The following BCAR3 variants were observed in gnomAD, a reference collection of about 807,000 sequenced individuals.
BCAR3 encodes BCAR3 adaptor protein, NSP family member, also known as breast cancer anti-estrogen resistance protein 3.
BCAR3 carries 37 observed loss-of-function variants against 80.1 expected under a neutral mutation model. That is an observed-to-expected ratio of 0.46 (90% confidence interval 0.36 to 0.61). The LOEUF (loss-of-function observed/expected upper bound fraction) is 0.61, where lower values mean the gene tolerates loss of function less well. BCAR3 is among the 20% of genes least tolerant of loss of function. The pLI, the probability that BCAR3 is intolerant of heterozygous loss-of-function variation, is 0.00. For missense variants in BCAR3, 978 were observed against 1,068.2 expected, an observed-to-expected ratio of 0.92 and a Z score of 1.18; for synonymous variants, 389 against 418.9, an observed-to-expected ratio of 0.93 and a Z score of 0.87.
chr1:93,783,352 A>G (rs983190876), intron 2 of BCAR3, among the ~76,000 whole-genome samples: 2 of 152,204 alleles, frequency 1.3e-5, no homozygotes, highest in African/African-American at 4.8e-5. Flanking sequence ...AAAAATAAAA[A>G]ATGTGTAGGA....
rs79542763 is a variant in BCAR3, at chr1:93,735,414, A to G, written c.-62-29272T>C. On this transcript the variant is annotated intron_variant, in intron 2 of 13. Coordinates refer to the BCAR3 transcript ENST00000370244. ...GCCGTGAGCTCTGTCATGGCAGACA[A>G]CATGGGATCATTTTGAGAACTTCCC... 4.2e-3 allele frequency among the ~76,000 whole-genome samples: 640 copies of G among 152,330 alleles called. 2 individuals are homozygous for G. The highest frequency in any genetic ancestry group is 0.015 in the African/African-American group (610 of 41,572).
upstream of BCAR3, among the ~76,000 whole-genome samples, chr1:93,684,080 T>C (rs1648892013): frequency 6.6e-6 from 1 of 152,224 alleles, no homozygotes; most frequent in South Asian, 2.1e-4. Flanking sequence ...TCTTTATCCT[T>C]CCTACTTCAT....
At chr1:93,808,041 TTA>T (rs1653713832) in intron 2 of BCAR3, among the ~76,000 whole-genome samples, 2 of 146,358 alleles carry the variant, frequency 1.4e-5, no homozygotes, top group African/African-American at 2.6e-5. Context: ...CTTTTTTTTT[TTA>T]AAAAAAAAAA....
At chr1:93,562,918 A>G (rs572333520) in intron 11 of BCAR3, among the ~76,000 whole-genome samples, 33 of 152,274 alleles carry the variant, frequency 2.2e-4, no homozygotes, top group African/African-American at 7.9e-4. Flanking sequence ...CCCACCCTGC[A>G]GAACCTAAGC....
At chr1:93,718,837 A>G (rs1170927080) in intron 2 of BCAR3, among the ~76,000 whole-genome samples, 4 of 150,944 alleles carry the variant, frequency 2.6e-5, no homozygotes, top group Non-Finnish European at 5.9e-5. Flanking sequence ...CTGGGACTAC[A>G]GGCATGCACC....
At chr1:93,706,073 G>C (rs1571062055) in intron 3 of BCAR3, 2 of 152,512 alleles carry the variant, frequency 1.3e-5, no homozygotes, top group Admixed American at 1.3e-4. Context: ...GAGCAGCAGG[G>C]GGCCAGGCCA....
At chr1:93,606,021 G>A (rs1326060098) in intron 3 of BCAR3, among the ~76,000 whole-genome samples, 2 of 152,124 alleles carry the variant, frequency 1.3e-5, no homozygotes, top group Non-Finnish European at 2.9e-5. Context: ...GGGACAAAGC[G>A]CATCACATGT....
intron 2 of BCAR3, among the ~76,000 whole-genome samples, chr1:93,813,785 A>G (rs534387889): frequency 1.5e-3 from 233 of 152,354 alleles, no homozygotes; most frequent in African/African-American, 5.3e-3. Context: ...GATTACGTCA[A>G]TTGTCCCAAT....
At chr1:93,722,137 C>T (rs889977689) in intron 2 of BCAR3, among the ~76,000 whole-genome samples, 11 of 152,096 alleles carry the variant, frequency 7.2e-5, no homozygotes, top group Non-Finnish European at 1.5e-4. Flanking sequence ...CGGCCATGGC[C>T]GGTGGCTAAG....
At chr1:93,624,478 C>T (rs1311357732) in intron 3 of BCAR3, among the ~76,000 whole-genome samples, 1 of 152,210 alleles carries the variant, frequency 6.6e-6, no homozygotes, top group Non-Finnish European at 1.5e-5. Context: ...CTGTGTGGGC[C>T]CGTAGGGGTT....
At chr1:93,780,568 AGG>A (rs1356352925) in intron 2 of BCAR3, among the ~76,000 whole-genome samples, 1,971 of 110,092 alleles carry the variant, frequency 0.018, 44 homozygotes, top group African/African-American at 0.098. Context: ...TGAAGAGGAG[AGG>A]AAAAAAAAAA....
intron 3 of BCAR3, among the ~76,000 whole-genome samples, chr1:93,629,094 C>G (rs1300022634): frequency 6.6e-6 from 1 of 152,190 alleles, no homozygotes; most frequent in African/African-American, 2.4e-5. Flanking sequence ...TGTAGTTAGA[C>G]AGTTTGGCAA....
At chr1:93,840,217 A>T (rs1654908447) in intron 2 of BCAR3, among the ~76,000 whole-genome samples, 1 of 152,062 alleles carries the variant, frequency 6.6e-6, no homozygotes, top group African/African-American at 2.4e-5. Context: ...TTCTCTCCTG[A>T]TTTCTTTTCT....
intron 3 of BCAR3, among the ~76,000 whole-genome samples, chr1:93,633,855 G>A (rs1675698197): frequency 1.3e-5 from 2 of 152,194 alleles, no homozygotes; most frequent in South Asian, 4.1e-4. Flanking sequence ...GGCCAAGCTG[G>A]TCTCGAACTC....
intron 2 of BCAR3, among the ~76,000 whole-genome samples, chr1:93,829,763 T>A (rs998699119): frequency 2.6e-5 from 4 of 152,216 alleles, no homozygotes; most frequent in Non-Finnish European, 5.9e-5. Context: ...CACACATTTC[T>A]ACCCCTACAA....
At chr1:93,784,091 A>G (rs903938257) in intron 2 of BCAR3, among the ~76,000 whole-genome samples, 1 of 151,964 alleles carries the variant, frequency 6.6e-6, no homozygotes, top group African/African-American at 2.4e-5. Context: ...GCAGTGAGTC[A>G]TCTTAGAAGT....
At chr1:93,783,180 T>TCTA (rs1381492588) in intron 2 of BCAR3, among the ~76,000 whole-genome samples, 1 of 152,166 alleles carries the variant, frequency 6.6e-6, no homozygotes, top group African/African-American at 2.4e-5. Context: ...GAGTGAGAAT[T>TCTA]CTACTCCTCC....
At chr1:93,624,415 A>G (rs756527118) in intron 3 of BCAR3, among the ~76,000 whole-genome samples, 5 of 152,202 alleles carry the variant, frequency 3.3e-5, no homozygotes, top group Non-Finnish European at 7.4e-5. Flanking sequence ...TGTGCTCCTT[A>G]GACAGTCCTT....
intron 2 of BCAR3, among the ~76,000 whole-genome samples, chr1:93,730,860 G>A (rs1334235275): frequency 6.6e-6 from 1 of 152,206 alleles, no homozygotes; most frequent in Non-Finnish European, 1.5e-5. Flanking sequence ...AGTACAGAAT[G>A]GAAAGTGGGG....
Sources: gnomAD v4.1 joint callset for allele counts (sites outside exome capture counted in the v4.1 genomes callset) on GRCh38, gnomAD v4.1.1 for gene constraint, MANE v1.5 for transcripts, NCBI Gene and HGNC (gene_info 2026-07-23, HGNC 2026-07-21) for gene names.